The following SLC25A21 variants were observed in gnomAD, a reference collection of about 807,000 sequenced individuals.
The protein encoded by SLC25A21 is mitochondrial 2-oxodicarboxylate carrier.
SLC25A21 carries 47 observed loss-of-function variants against 43.8 expected under a neutral mutation model. The observed-to-expected ratio is 1.07, with a 90% confidence interval of 0.85 to 1.37. The LOEUF (loss-of-function observed/expected upper bound fraction) is 1.37. SLC25A21 is among the 40% of genes most tolerant of loss of function. The pLI, the probability that SLC25A21 is intolerant of heterozygous loss-of-function variation, is 0.00. For missense variants in SLC25A21, 352 were observed against 350.2 expected, an observed-to-expected ratio of 1.00 and a Z score of -0.04; for synonymous variants, 131 against 121.3, an observed-to-expected ratio of 1.08 and a Z score of -0.52.
chr14:36,964,926 C>T (rs1357689854), intron 1 of SLC25A21, among the ~76,000 whole-genome samples: 2 of 151,736 alleles, frequency 1.3e-5, no homozygotes, highest in Non-Finnish European at 2.9e-5. Context: ...AGTTTTTTTT[C>T]CCTCTATATG....
chr14:36,726,960 T>A (rs1374083748), intron 5 of SLC25A21, among the ~76,000 whole-genome samples: 1 of 152,158 alleles, frequency 6.6e-6, no homozygotes, highest in Admixed American at 6.5e-5. Flanking sequence ...GAATGTTGTG[T>A]AACCTTAGAA....
intron 3 of SLC25A21, among the ~76,000 whole-genome samples, chr14:36,740,562 T>C (rs905820775): frequency 1.3e-5 from 2 of 152,188 alleles, no homozygotes; most frequent in East Asian, 1.9e-4. Context: ...AGCTCACACA[T>C]AGCTTATTTG....
intron 1 of SLC25A21, among the ~76,000 whole-genome samples, chr14:37,162,597 T>C (rs1963964179): frequency 1.3e-5 from 2 of 152,088 alleles, no homozygotes; most frequent in African/African-American, 4.8e-5. Context: ...TGAGATACCA[T>C]CTCACACCAG....
At chr14:36,695,898 T>C (rs1045354112) in intron 7 of SLC25A21, among the ~76,000 whole-genome samples, 1 of 152,228 alleles carries the variant, frequency 6.6e-6, no homozygotes, top group African/African-American at 2.4e-5. Flanking sequence ...ATACCCTTTA[T>C]TTCTTTCTCT....
In SLC25A21 at chr14:36,899,360, G is replaced by A. The variant is rs148519752; in HGVS notation, c.71-24356C>T. Among the ~76,000 whole-genome samples, 19 of 152,316 alleles carry A rather than the reference G, an allele frequency of 1.2e-4. No homozygotes were observed. The East Asian group carries it at 3.5e-3, about 28-fold the overall frequency. ...AAGCATATCATGATGTCTAATAAAG[G>A]AAGACAAATTATAAATAACCAAATC... is the stretch of plus-strand genomic sequence containing the variant. On this transcript the variant is annotated intron_variant, in intron 1 of 9. Coordinates refer to ENST00000331299, the MANE Select transcript of SLC25A21 (RefSeq NM_030631.4).
chr14:36,775,991 C>G (rs564208622), intron 3 of SLC25A21, among the ~76,000 whole-genome samples: 15 of 152,230 alleles, frequency 9.9e-5, no homozygotes, highest in Non-Finnish European at 1.8e-4. Flanking sequence ...CCTCATTTTT[C>G]TATCCTTGCC....
intron 1 of SLC25A21, among the ~76,000 whole-genome samples, chr14:37,078,787 T>C (rs535610815): frequency 1.0e-3 from 158 of 152,298 alleles, no homozygotes; most frequent in Non-Finnish European, 1.4e-3. Flanking sequence ...TTATGCGTTA[T>C]GTTCATAAAG....
At chr14:37,154,692 G>A (rs1963817447) in intron 1 of SLC25A21, among the ~76,000 whole-genome samples, 1 of 151,386 alleles carries the variant, frequency 6.6e-6, no homozygotes, top group African/African-American at 2.4e-5. Flanking sequence ...CCCCAGGCTG[G>A]AGTGCGATAG....
chr14:36,839,329 A>T (rs1889307086), intron 2 of SLC25A21, among the ~76,000 whole-genome samples: 1 of 152,222 alleles, frequency 6.6e-6, no homozygotes, highest in Non-Finnish European at 1.5e-5. Context: ...TTCAATATCT[A>T]CTATAAGGTG....
intron 1 of SLC25A21, among the ~76,000 whole-genome samples, chr14:37,065,182 T>C (rs868820273): frequency 1.3e-5 from 2 of 152,226 alleles, no homozygotes; most frequent in Middle Eastern, 3.4e-3. Flanking sequence ...CACTTGAGAT[T>C]TGAAAGCTGA....
chr14:36,903,608 G>A lies in SLC25A21; in HGVS notation c.71-28604C>T, dbSNP rs151172402. 9.5e-3 allele frequency among the ~76,000 whole-genome samples: 559 copies of A among 58,884 alleles called. 4 individuals carry two copies. The highest frequency in any genetic ancestry group is 0.036 in the African/African-American group (494 of 13,700). The allele number at this position is 58,884 out of a possible 152,430, so 38.6% of individuals were successfully genotyped here. A position where few individuals can be genotyped will look rare whatever the true frequency, so the allele number is the denominator to read the frequency against. ...AGCCTGGGTGACAGAGTGAGACTCCGTCTCAGAAAAAAAAAAAAAAAAAAA... is the reference window on the plus strand; with the variant it reads ...AGCCTGGGTGACAGAGTGAGACTCCATCTCAGAAAAAAAAAAAAAAAAAAA... On this transcript the variant is annotated intron_variant, in intron 1 of 9. Coordinates refer to ENST00000331299, the MANE Select transcript of SLC25A21 (RefSeq NM_030631.4).
intron 1 of SLC25A21, among the ~76,000 whole-genome samples, chr14:37,087,816 A>T (rs984132378): frequency 4.6e-5 from 7 of 152,192 alleles, no homozygotes; most frequent in Non-Finnish European, 8.8e-5. Flanking sequence ...TTTCCCCTCA[A>T]GCATTTAGTT....
At chr14:36,971,242 T>C (rs73256218) in intron 1 of SLC25A21, among the ~76,000 whole-genome samples, 6 of 152,062 alleles carry the variant, frequency 3.9e-5, no homozygotes, top group African/African-American at 1.5e-4. Flanking sequence ...ATCATTTTCT[T>C]TTCTAACAAA....
At chr14:37,017,509 A>C (rs1364956157) in intron 1 of SLC25A21, among the ~76,000 whole-genome samples, 1 of 152,126 alleles carries the variant, frequency 6.6e-6, no homozygotes, top group East Asian at 1.9e-4. Flanking sequence ...TAATGAAAAC[A>C]TTTGAAATAG....
intron 3 of SLC25A21, among the ~76,000 whole-genome samples, chr14:36,782,478 T>C (rs140080612): frequency 3.3e-4 from 50 of 152,258 alleles, no homozygotes; most frequent in Non-Finnish European, 7.1e-4. Context: ...CATATTCCCT[T>C]GGATTGTTGT....
chr14:36,968,912 G>T (rs1288214981), intron 1 of SLC25A21, among the ~76,000 whole-genome samples: 1 of 152,182 alleles, frequency 6.6e-6, no homozygotes, highest in Non-Finnish European at 1.5e-5. Flanking sequence ...GTGAAATACA[G>T]TACAATCCCA....
At chr14:36,978,548 A>G (rs910730242) in intron 1 of SLC25A21, among the ~76,000 whole-genome samples, 14 of 152,238 alleles carry the variant, frequency 9.2e-5, no homozygotes, top group African/African-American at 3.4e-4. Context: ...ATGGCAAAGC[A>G]AAGTACAATA....
chr14:36,696,576 C>G (rs1239546028), intron 7 of SLC25A21, among the ~76,000 whole-genome samples: 1 of 152,166 alleles, frequency 6.6e-6, no homozygotes, highest in East Asian at 1.9e-4. Flanking sequence ...CTTACTGCCT[C>G]AATTTCAGAG....
At chr14:36,726,391 C>T (rs1884600323) in intron 5 of SLC25A21, among the ~76,000 whole-genome samples, 1 of 150,602 alleles carries the variant, frequency 6.6e-6, no homozygotes, top group Non-Finnish European at 1.5e-5. Flanking sequence ...TATGATTGAA[C>T]AACTGTACTG....
Sources: allele counts gnomAD v4.1 joint callset (sites outside exome capture counted in the v4.1 genomes callset), GRCh38; gene constraint gnomAD v4.1.1; transcripts MANE v1.5; gene names NCBI Gene and HGNC (gene_info 2026-07-23, HGNC 2026-07-21).